The following STRBP variants were observed in gnomAD, a reference collection of about 807,000 sequenced individuals.
The protein encoded by STRBP is spermatid perinuclear RNA binding protein.
STRBP carries 13 observed loss-of-function variants against 80.1 expected under a neutral mutation model. The observed-to-expected ratio is 0.16, with a 90% CI of 0.11 to 0.26. The LOEUF is 0.26. Ranked by LOEUF, STRBP falls within the 10% of genes least tolerant of loss-of-function variation. The pLI is 1.00. For synonymous variants in STRBP, 284 were observed against 291.2 expected (o/e 0.98, Z 0.25); for missense variants, 485 against 815.2 (o/e 0.59, Z 4.93).
chr9:123,254,487 C>T (rs370072784), intron 1 of STRBP, among the ~76,000 whole-genome samples: 1 of 137,866 alleles, frequency 7.3e-6, no homozygotes, highest in Non-Finnish European at 1.6e-5. Context: ...AAAGAAAGAA[C>T]AAAAAAGAAA....
At position 123,122,188 on chromosome 9, in the gene STRBP, C is replaced by A; in HGVS notation, c.*3409G>T. The A allele has an allele frequency of 5.8e-6, 3 of 520,728 alleles. No homozygotes were observed. Among genetic ancestry groups the A allele is most frequent in the Non-Finnish European group, 8.8e-6 (3 of 342,816 alleles). 32.3% of individuals were successfully genotyped at this position (520,728 alleles called of 1,614,324 possible). ...TCTCTTTAATCAGAAAATAAAAGAG[C>A]TTACCTTTGTATACTGAGATCACAG... On this transcript the variant is annotated 3_prime_UTR_variant, in exon 19 of 19. Transcript: ENST00000348403.
At chr9:123,171,546 T>C (rs905099629) in intron 5 of STRBP, among the ~76,000 whole-genome samples, 18 of 152,130 alleles carry the variant, frequency 1.2e-4, no homozygotes, top group African/African-American at 3.9e-4. Flanking sequence ...ATTTCATGAA[T>C]ATTATTAGTA....
chr9:123,244,376 G>A (rs1199647333), intron 1 of STRBP, among the ~76,000 whole-genome samples: 1 of 152,134 alleles, frequency 6.6e-6, no homozygotes, highest in Non-Finnish European at 1.5e-5. Flanking sequence ...CTGTAACAGT[G>A]GACACATGTC....
At chr9:123,130,672 A>G (rs2036098701) in intron 17 of STRBP, among the ~76,000 whole-genome samples, 2 of 152,206 alleles carry the variant, frequency 1.3e-5, no homozygotes, top group Non-Finnish European at 2.9e-5. Flanking sequence ...AAATTATTAA[A>G]TATCAGTAGA....
chr9:123,245,715 T>C (rs955265695), intron 1 of STRBP, among the ~76,000 whole-genome samples: 1 of 152,204 alleles, frequency 6.6e-6, no homozygotes, highest in Non-Finnish European at 1.5e-5. Context: ...TCTCAGGTAA[T>C]TCTAACGTTC....
At position 123,129,458 on chromosome 9, in the gene STRBP, C is replaced by G. The variant is rs1471192994; in HGVS notation, c.1898-1200G>C. On this transcript the variant is annotated intron_variant, in intron 17 of 18. Coordinates refer to ENST00000348403, the MANE Select transcript of STRBP (RefSeq NM_018387.5). ...CACCATGGCACTTTTACACAGTACC[C>G]AAAACAAATGGAGCTTTTTCACATT... is the stretch of plus-strand genomic sequence containing the variant. Among the ~76,000 whole-genome samples the G allele has an allele frequency of 3.3e-5, 5 of 152,106 alleles. 1 individual carries two copies. The highest frequency in any genetic ancestry group is 4.1e-4 in the South Asian group (2 of 4,820).
intron 3 of STRBP, among the ~76,000 whole-genome samples, chr9:123,180,204 A>T (rs1218346576): frequency 1.3e-5 from 2 of 152,116 alleles, no homozygotes; most frequent in East Asian, 3.9e-4. Context: ...TAAGTGAGCT[A>T]CCACTATGTC....
At chr9:123,259,628 G>C (rs1218078195) in intron 1 of STRBP, among the ~76,000 whole-genome samples, 3 of 152,306 alleles carry the variant, frequency 2.0e-5, no homozygotes, top group Non-Finnish European at 4.4e-5. Context: ...AGAATTGCTT[G>C]AACCCGGGCA....
In STRBP at chr9:123,159,159, A is replaced by G. The variant is rs755039172; in HGVS notation, c.772T>C (p.Leu258=). 6.2e-7 allele frequency: 1 copy of G among 1,613,660 alleles called. No homozygotes were observed. Among genetic ancestry groups the G allele is most frequent in the South Asian group, 1.1e-5 (1 of 91,056 alleles). ...EKSIGTCNRP[L]GAGEALRRVM... is the part of the protein sequence containing the mutation. ...CGTCTCAAGGCCTCCCCAGCGCCCAAAGGTCTATTACAAGTACCTATAGAC... is the reference window on the plus strand; with the variant it reads ...CGTCTCAAGGCCTCCCCAGCGCCCAGAGGTCTATTACAAGTACCTATAGAC... Residue 258 remains leucine, a synonymous_variant, in exon 9 of 19, where the codon TTG becomes CTG. Transcript: ENST00000348403.
chr9:123,187,890 A>ATTAGGGTTCAC (rs1040674728), intron 2 of STRBP, among the ~76,000 whole-genome samples: 6 of 152,126 alleles, frequency 3.9e-5, no homozygotes, highest in African/African-American at 1.4e-4. Context: ...CATAGTTTAC[A>ATTAGGGTTCAC]TTAGGGTTCA....
At chr9:123,180,299 C>T (rs748539361) in intron 3 of STRBP, among the ~76,000 whole-genome samples, 14 of 151,810 alleles carry the variant, frequency 9.2e-5, no homozygotes, top group Admixed American at 1.3e-4. Context: ...TAGAATAATA[C>T]GAAATAAAAA....
intron 11 of STRBP, among the ~76,000 whole-genome samples, chr9:123,153,977 T>G (rs1473801938): frequency 5.3e-5 from 8 of 152,204 alleles, no homozygotes; most frequent in Non-Finnish European, 1.0e-4. Flanking sequence ...AGGAAGCTGA[T>G]GACCTGGAAG....
intron 2 of STRBP, among the ~76,000 whole-genome samples, chr9:123,189,779 A>G (rs2132481279): frequency 6.6e-6 from 1 of 152,142 alleles, no homozygotes; most frequent in East Asian, 1.9e-4. Flanking sequence ...GCAAACCAAC[A>G]TGACACATGT....
chr9:123,191,347 G>A (rs996677941), intron 2 of STRBP, among the ~76,000 whole-genome samples: 5 of 152,058 alleles, frequency 3.3e-5, no homozygotes, highest in South Asian at 2.1e-4. Context: ...AAGGAAGGGC[G>A]TGCCTGCGTT....
chr9:123,124,212 A>G lies in STRBP; in HGVS notation c.*1385T>C. The stretch of plus-strand genomic sequence containing the variant: ...CAAGTTCCCAAAAGCAGAACTGAAT[A>G]GGGAAAATGAAAGCTAATTCATACT... On this transcript the variant is annotated 3_prime_UTR_variant, in exon 19 of 19. Transcript: ENST00000348403. 1.0e-6 allele frequency: 1 copy of G among 985,460 alleles called. No individual in the cohort carries two copies. Among genetic ancestry groups the G allele is most frequent in the African/African-American group, 1.7e-5 (1 of 57,372 alleles). 61.0% of individuals were successfully genotyped at this position (985,460 alleles called of 1,614,324 possible).
chr9:123,116,066 G>C, exon 3 of STRBP: 1 of 456,240 alleles, frequency 2.2e-6, no homozygotes, highest in Non-Finnish European at 4.4e-6. Flanking sequence ...TTACCTCCCA[G>C]ATGATGGCTA....
At chr9:123,197,981 T>C (rs2039166243) in intron 2 of STRBP, among the ~76,000 whole-genome samples, 1 of 152,118 alleles carries the variant, frequency 6.6e-6, no homozygotes, top group Admixed American at 6.5e-5. Flanking sequence ...GCTCTGTCTT[T>C]TTAATAATGA....
intron 2 of STRBP, among the ~76,000 whole-genome samples, chr9:123,185,183 G>A (rs1032717450): frequency 6.6e-5 from 10 of 151,172 alleles, no homozygotes; most frequent in South Asian, 2.1e-4. Context: ...ACCATATATC[G>A]TATAAACTCA....
At chr9:123,173,396 A>G (rs552675379) in intron 5 of STRBP, among the ~76,000 whole-genome samples, 1 of 152,256 alleles carries the variant, frequency 6.6e-6, no homozygotes, top group Admixed American at 6.5e-5. Context: ...TAATGGTGAG[A>G]CCTAGCCTGG....
Sources: gnomAD v4.1 joint callset for allele counts (sites outside exome capture counted in the v4.1 genomes callset) on GRCh38, gnomAD v4.1.1 for gene constraint, MANE v1.5 for transcripts, NCBI Gene and HGNC (gene_info 2026-07-23, HGNC 2026-07-21) for gene names.